Variants in CPN1 observed in about 807,000 individuals in gnomAD.
The protein encoded by CPN1 is carboxypeptidase N subunit 1.
CPN1 carries 37 observed loss-of-function variants against 46.4 expected under a neutral mutation model. That is an observed-to-expected ratio of 0.80 (90% confidence interval 0.61 to 1.05). CPN1 has a LOEUF of 1.05. Ranked by LOEUF, CPN1 falls within the 50% of genes least tolerant of loss-of-function variation. CPN1 has a pLI of 0.00. For missense variants in CPN1, 563 were observed against 602.6 expected (o/e 0.93, Z 0.69); for synonymous variants, 224 against 235.4 (o/e 0.95, Z 0.44).
At chr10:100,048,645 G>A (rs1274860275) in intron 8 of CPN1, 113 bp downstream of exon 8, 1 of 827,126 alleles carries the variant, frequency 1.2e-6, no homozygotes, top group African/African-American at 1.7e-5. Context: ...GCTGCAGTGA[G>A]CCACAGTGGT....
At chr10:100,059,592 CA>C (rs71013408) in intron 5 of CPN1, among the ~76,000 whole-genome samples, 3,019 of 115,030 alleles carry the variant, frequency 0.026, 75 homozygotes, top group African/African-American at 0.074. Context: ...TGGCTACTAT[CA>C]AAAAAAAAAA....
At chr10:100,050,185 C>T (rs569170763) in intron 7 of CPN1, among the ~76,000 whole-genome samples, 2,217 of 152,184 alleles carry the variant, frequency 0.015, 55 homozygotes, top group African/African-American at 0.051. Context: ...AAACCCCCAT[C>T]TCTACTAAAA....
At chr10:100,054,474 C>A (rs1318404280) in intron 6 of CPN1, 28 bp from the exon 7 acceptor site, 3 of 1,558,860 alleles carry the variant, frequency 1.9e-6, no homozygotes, top group South Asian at 2.2e-5. Flanking sequence ...TAGTTATGAT[C>A]ATAAAACATT....
chr10:100,054,297 A>T (rs2041372619), intron 7 of CPN1, 50 bp downstream of exon 7: 1 of 1,412,602 alleles, frequency 7.1e-7, no homozygotes. Context: ...ATGCTGAAGA[A>T]GATGCAGGAG....
intron 2 of CPN1, among the ~76,000 whole-genome samples, chr10:100,071,574 T>C (rs1401031349): frequency 6.6e-6 from 1 of 152,194 alleles, no homozygotes; most frequent in Non-Finnish European, 1.5e-5. Context: ...ATCTCAATTG[T>C]ATCCGTAAAG....
intron 7 of CPN1, among the ~76,000 whole-genome samples, chr10:100,050,628 CCTAT>C (rs1237301974): frequency 6.6e-6 from 1 of 151,952 alleles, no homozygotes; most frequent in African/African-American, 2.4e-5. Flanking sequence ...TTTTGAGAGT[CCTAT>C]CTCTTTTTTT....
intron 7 of CPN1, 67 bp from the exon 8 acceptor site, chr10:100,048,943 T>A (rs1256954099): frequency 2.9e-5 from 37 of 1,277,294 alleles, no homozygotes; most frequent in Non-Finnish European, 3.9e-5. Flanking sequence ...CTAGGGTTTT[T>A]ATCTGACTAC....
chr10:100,065,100 G>T (rs911124500), intron 4 of CPN1, 88 bp downstream of exon 4: 35 of 1,433,352 alleles, frequency 2.4e-5, no homozygotes, highest in Non-Finnish European at 3.1e-5. Flanking sequence ...CTGTGGCCTC[G>T]CACTGAAAAG....
At chr10:100,057,879 A>G (rs1042915998) in intron 5 of CPN1, among the ~76,000 whole-genome samples, 2 of 152,124 alleles carry the variant, frequency 1.3e-5, no homozygotes, top group African/African-American at 4.8e-5. Context: ...TTAAAAGGTT[A>G]ATGCTGGGTT....
intron 3 of CPN1, among the ~76,000 whole-genome samples, chr10:100,066,875 C>A (rs923404643): frequency 3.9e-5 from 6 of 152,204 alleles, no homozygotes; most frequent in African/African-American, 1.4e-4. Context: ...TGGGGCAGTT[C>A]TGTCTTTGTG....
intron 1 of CPN1, among the ~76,000 whole-genome samples, chr10:100,081,018 A>C (rs1341694837): frequency 6.6e-6 from 1 of 152,214 alleles, no homozygotes; most frequent in Non-Finnish European, 1.5e-5. Context: ...GTTTCCTGGC[A>C]GAACTAGAAG....
chr10:100,058,758 A>T (rs1302074676), intron 5 of CPN1, among the ~76,000 whole-genome samples: 1 of 152,200 alleles, frequency 6.6e-6, no homozygotes, highest in Admixed American at 6.5e-5. Context: ...CTAGAAAAAC[A>T]AAGCTAGAGA....
At chr10:100,074,856 C>T (rs755746676) in intron 2 of CPN1, among the ~76,000 whole-genome samples, 2 of 152,206 alleles carry the variant, frequency 1.3e-5, no homozygotes, top group Non-Finnish European at 2.9e-5. Context: ...AAATCTTCAT[C>T]TGTGATTCTG....
intron 5 of CPN1, among the ~76,000 whole-genome samples, chr10:100,058,253 A>G (rs2041396530): frequency 6.6e-6 from 1 of 152,072 alleles, no homozygotes; most frequent in Non-Finnish European, 1.5e-5. Context: ...GTGCCTTACT[A>G]TAGACTATGC....
At chr10:100,061,866 G>A (rs2041420553) in intron 5 of CPN1, among the ~76,000 whole-genome samples, 1 of 152,138 alleles carries the variant, frequency 6.6e-6, no homozygotes, top group African/African-American at 2.4e-5. Flanking sequence ...TTCAGAGACA[G>A]GGTCTCGCTC....
intron 6 of CPN1, among the ~76,000 whole-genome samples, chr10:100,054,841 C>CTTTTTTTTTTTTTTTTTTTTTT (rs56250435): frequency 7.5e-6 from 1 of 132,760 alleles, no homozygotes; most frequent in Non-Finnish European, 1.6e-5. Flanking sequence ...TTCTTTCTTT[C>CTTTTTTTTTTTTTTTTTTTTTT]TTTTTTTTTT....
In CPN1 at chr10:100,054,354, G is replaced by C; in HGVS notation, c.1104C>G (p.Val368=). Residue 368 remains valine (V), a synonymous_variant, in exon 7 of 9, where the codon GTC becomes GTG. Coordinates refer to ENST00000370418, the MANE Select transcript of CPN1 (RefSeq NM_001308.3). ...TAAGCAGTGACCACCTACCTGAAGT[G>C]ACATCATGGTTAATCCCACTGACAG... The part of the protein sequence containing the change: ...VISVSGINHD[V]TSGDHGDYFR... 2 of 1,613,088 alleles carry C rather than the reference G, an allele frequency of 1.2e-6. No homozygotes were observed. The highest frequency in any genetic ancestry group is 1.1e-5 in the South Asian group (1 of 91,034).
rs748410671 is a variant in CPN1, at chr10:100,073,610, CTTT to C, written c.420+2298_420+2300del. ...CATTCACATTCCTTGGCTCTTCCAT[CTTT>C]TTTTTTTTTTTTTTTTTTTGAGACA... is the stretch of plus-strand genomic sequence containing the variant. On this transcript the variant is annotated intron_variant, in intron 2 of 8. Coordinates refer to ENST00000370418, the MANE Select transcript of CPN1 (RefSeq NM_001308.3). Among the ~76,000 whole-genome samples, 101 of 122,440 alleles carry C rather than the reference CTTT, an allele frequency of 8.2e-4. 1 individual carries two copies. The East Asian group carries it at 0.021, about 25-fold the overall frequency. 80.3% of individuals were successfully genotyped at this position (122,440 alleles called of 152,430 possible). A position where few individuals can be genotyped will look rare whatever the true frequency, so the allele number is the denominator to read the frequency against.
At chr10:100,080,085 CAAAA>C (rs34214082) in intron 1 of CPN1, among the ~76,000 whole-genome samples, 1 of 124,728 alleles carries the variant, frequency 8.0e-6, no homozygotes, top group Non-Finnish European at 1.7e-5. Flanking sequence ...GACTCCATCT[CAAAA>C]AAAAAAAAAA....
Sources: gnomAD v4.1 joint callset for allele counts (sites outside exome capture counted in the v4.1 genomes callset) on GRCh38, gnomAD v4.1.1 for gene constraint, MANE v1.5 for transcripts, NCBI Gene and HGNC (gene_info 2026-07-23, HGNC 2026-07-21) for gene names.